Variants in RP1 observed in about 807,000 individuals in gnomAD.
RP1 encodes RP1 axonemal microtubule associated.
RP1 carries 16 observed loss-of-function variants against 14.8 expected under a neutral mutation model. The observed-to-expected ratio is 1.08, with a 90% CI of 0.73 to 1.65. RP1 has a LOEUF of 1.65. Among genes scored for constraint, RP1 ranks in the 40% most tolerant of loss-of-function variants. The pLI, the probability that RP1 is intolerant of heterozygous loss-of-function variation, is 0.00. For missense variants in RP1, 2,631 were observed against 2,535.0 expected (o/e 1.04, Z -0.81); for synonymous variants, 876 against 883.6 (o/e 0.99, Z 0.15).
intron 12 of RP1, among the ~76,000 whole-genome samples, chr8:54,691,908 A>T (rs1325071932): frequency 6.6e-6 from 1 of 151,844 alleles, no homozygotes; most frequent in Non-Finnish European, 1.5e-5. Flanking sequence ...GTTCGTGTAC[A>T]GCACCCATTA....
chr8:54,839,153 G>A (rs1028468918), intron 25 of RP1, among the ~76,000 whole-genome samples: 3 of 152,046 alleles, frequency 2.0e-5, no homozygotes, highest in African/African-American at 7.2e-5. Context: ...GCCCTACTTG[G>A]TCATTTTGCC....
intron 7 of RP1, among the ~76,000 whole-genome samples, chr8:54,670,892 A>G (rs1009692825): frequency 2.6e-5 from 4 of 151,152 alleles, no homozygotes; most frequent in Non-Finnish European, 5.9e-5. Context: ...ACTGAGATGT[A>G]TGTATTGTTC....
At chr8:54,654,170 T>C (rs1241066395) in intron 5 of RP1, among the ~76,000 whole-genome samples, 1 of 152,232 alleles carries the variant, frequency 6.6e-6, no homozygotes, top group Admixed American at 6.5e-5. Flanking sequence ...ATCCAGTTTA[T>C]CCATTTTGCC....
intron 1 of RP1, among the ~76,000 whole-genome samples, chr8:54,611,066 C>T (rs1805579450): frequency 6.6e-6 from 1 of 152,112 alleles, no homozygotes; most frequent in Non-Finnish European, 1.5e-5. Flanking sequence ...CATACTGTGC[C>T]TTCTGGCCTC....
At chr8:54,841,666 C>T (rs955297823) in intron 25 of RP1, among the ~76,000 whole-genome samples, 11 of 152,160 alleles carry the variant, frequency 7.2e-5, no homozygotes, top group African/African-American at 2.4e-4. Flanking sequence ...ATTCACCATC[C>T]GCGGTGTTGG....
intron 24 of RP1, among the ~76,000 whole-genome samples, chr8:54,819,427 A>G (rs1422952211): frequency 2.6e-5 from 4 of 152,124 alleles, no homozygotes; most frequent in Middle Eastern, 6.8e-3. Context: ...CTCTGTCTGA[A>G]AGGTCACATA....
chr8:54,778,481 T>C (rs1472914983), intron 23 of RP1, among the ~76,000 whole-genome samples: 1 of 151,876 alleles, frequency 6.6e-6, no homozygotes, highest in Non-Finnish European at 1.5e-5. Context: ...TGCACCACCA[T>C]GCCCGGCTAA....
intron 3 of RP1, among the ~76,000 whole-genome samples, chr8:54,637,730 CATGTAAAT>C (rs1246982052): frequency 6.6e-6 from 1 of 152,044 alleles, no homozygotes; most frequent in Non-Finnish European, 1.5e-5. Flanking sequence ...CATTAATAAC[CATGTAAAT>C]ATGTAAATAT....
intron 15 of RP1, among the ~76,000 whole-genome samples, chr8:54,714,753 A>G (rs1808362886): frequency 6.6e-6 from 1 of 152,216 alleles, no homozygotes; most frequent in Non-Finnish European, 1.5e-5. Context: ...CTCCATCTTC[A>G]TAAACTAGCT....
chr8:54,852,726 C>A (rs1337544932), exon 26 of RP1: 1 of 1,231,832 alleles, frequency 8.1e-7, no homozygotes, highest in Admixed American at 4.2e-5. Flanking sequence ...TCAGCGTGGA[C>A]AGGTAATAGA....
chr8:54,824,138 T>C (rs1811328973), intron 24 of RP1, among the ~76,000 whole-genome samples: 1 of 152,142 alleles, frequency 6.6e-6, no homozygotes, highest in Admixed American at 6.5e-5. Context: ...TGTGTGTTTT[T>C]TTTTTAATAT....
rs760485111 is a variant in RP1, at chr8:54,622,299, T to G, written c.787+11T>G. The G allele has an allele frequency of 6.2e-7, 1 of 1,613,324 alleles. No individual in the cohort carries two copies. Among genetic ancestry groups the G allele is most frequent in the East Asian group, 2.2e-5 (1 of 44,870 alleles). On this transcript the variant is annotated intron_variant, in intron 3 of 3. Transcript: ENST00000220676. The stretch of plus-strand genomic sequence containing the variant: ...CAGAAAGCAGAAAGAGTAAGTCACT[T>G]ATTAATATATAGCCCATATTTTTAG...
chr8:54,812,200 G>T (rs927880822), intron 24 of RP1, among the ~76,000 whole-genome samples: 1 of 152,202 alleles, frequency 6.6e-6, no homozygotes, highest in Non-Finnish European at 1.5e-5. Context: ...GAGTGCAGTG[G>T]TGTGATCTCG....
At chr8:54,818,631 G>C (rs1418792054) in intron 24 of RP1, among the ~76,000 whole-genome samples, 1 of 152,226 alleles carries the variant, frequency 6.6e-6, no homozygotes, top group Non-Finnish European at 1.5e-5. Context: ...GGAATGGCAG[G>C]AAGGGGTGTC....
chr8:54,731,355 G>A (rs1332133406), intron 17 of RP1, among the ~76,000 whole-genome samples: 1 of 152,062 alleles, frequency 6.6e-6, no homozygotes, highest in African/African-American at 2.4e-5. Context: ...TATTCAGGGT[G>A]ACCGAGAAGG....
At chr8:54,646,969 T>A (rs919526273) in intron 3 of RP1, among the ~76,000 whole-genome samples, 2 of 152,248 alleles carry the variant, frequency 1.3e-5, no homozygotes, top group African/African-American at 2.4e-5. Context: ...ACATTTTCTG[T>A]CACTGTTAAA....
downstream of RP1, among the ~76,000 whole-genome samples, chr8:54,773,280 G>A (rs111648960): frequency 6.6e-6 from 1 of 152,186 alleles, no homozygotes; most frequent in African/African-American, 2.4e-5. Flanking sequence ...ATAATGTACT[G>A]AAAACAATTT....
chr8:54,771,780 T>C (rs921484984), downstream of RP1, among the ~76,000 whole-genome samples: 2 of 152,096 alleles, frequency 1.3e-5, no homozygotes, highest in African/African-American at 2.4e-5. Context: ...CTCATAGTTA[T>C]GTGAATGAGC....
At chr8:54,853,817 A>G (rs950917435) in intron 26 of RP1, among the ~76,000 whole-genome samples, 1 of 148,400 alleles carries the variant, frequency 6.7e-6, no homozygotes, top group African/African-American at 2.6e-5. Context: ...AGAGAAAGGA[A>G]GGAAGAGAAA....
Sources: allele counts gnomAD v4.1 joint callset (sites outside exome capture counted in the v4.1 genomes callset), GRCh38; gene constraint gnomAD v4.1.1; transcripts MANE v1.5; gene names NCBI Gene and HGNC (gene_info 2026-07-23, HGNC 2026-07-21).